ASCC3: variants seen among roughly 807,000 people sequenced by gnomAD.
ASCC3 encodes activating signal cointegrator 1 complex subunit 3.
Under a neutral mutation model 256.3 loss-of-function variants are expected in ASCC3, and 158 were observed. The observed-to-expected ratio is 0.62, with a 90% CI of 0.54 to 0.70. The LOEUF (loss-of-function observed/expected upper bound fraction) is 0.70, where lower values mean the gene tolerates loss of function less well. Among genes scored for constraint, ASCC3 ranks in the 30% least tolerant of loss-of-function variants. The pLI is 0.00. For synonymous variants in ASCC3, 948 were observed against 883.4 expected (o/e 1.07, Z -1.30); for missense variants, 2,259 against 2,626.0 (o/e 0.86, Z 3.05).
chr6:100,668,811 G>C (rs1262952772), intron 14 of ASCC3, among the ~76,000 whole-genome samples: 1 of 151,806 alleles, frequency 6.6e-6, no homozygotes, highest in Non-Finnish European at 1.5e-5. Flanking sequence ...TTATGATCAT[G>C]TGCAGACATT....
intron 4 of ASCC3, among the ~76,000 whole-genome samples, chr6:100,818,724 T>C (rs1770883954): frequency 7.9e-6 from 1 of 126,040 alleles, no homozygotes; most frequent in African/African-American, 3.1e-5. Context: ...CTGTAGGTTC[T>C]AGGCAGGGCA....
intron 13 of ASCC3, among the ~76,000 whole-genome samples, chr6:100,683,900 T>C (rs897917816): frequency 5.3e-5 from 8 of 152,160 alleles, no homozygotes; most frequent in African/African-American, 1.4e-4. Flanking sequence ...CAGAATGTGG[T>C]CATAAACTGC....
chr6:100,795,662 G>C (rs1469964902), intron 8 of ASCC3, among the ~76,000 whole-genome samples: 1 of 152,020 alleles, frequency 6.6e-6, no homozygotes, highest in African/African-American at 2.4e-5. Flanking sequence ...TGGTATTTTT[G>C]CATGTACTAG....
intron 22 of ASCC3, among the ~76,000 whole-genome samples, chr6:100,644,459 T>C (rs566095103): frequency 4.6e-5 from 7 of 152,160 alleles, no homozygotes; most frequent in Non-Finnish European, 1.0e-4. Context: ...GACTGGAGTT[T>C]TTAATTTACC....
At chr6:100,856,385 A>G (rs929685449) in intron 3 of ASCC3, 1 of 984,008 alleles carries the variant, frequency 1.0e-6, no homozygotes, top group Non-Finnish European at 1.2e-6. Context: ...TCTCACCATG[A>G]TAGCCAAACC....
chr6:100,604,251 T>G (rs558265380), intron 33 of ASCC3, among the ~76,000 whole-genome samples: 2 of 152,242 alleles, frequency 1.3e-5, no homozygotes, highest in East Asian at 3.9e-4. Flanking sequence ...CTGTGATATT[T>G]TTCCATTCCT....
At chr6:100,798,176 A>C (rs1221133623) in intron 8 of ASCC3, among the ~76,000 whole-genome samples, 3 of 152,142 alleles carry the variant, frequency 2.0e-5, no homozygotes, top group Non-Finnish European at 4.4e-5. Context: ...ACTTTAACCT[A>C]AACTAAGGAA....
chr6:100,771,153 CAAGGGCTGA>C, intron 8 of ASCC3, among the ~76,000 whole-genome samples: 1 of 152,012 alleles, frequency 6.6e-6, no homozygotes, highest in East Asian at 1.9e-4. Flanking sequence ...TGATTTTTGA[CAAGGGCTGA>C]AAGGCAATGT....
At chr6:100,685,075 G>C (rs558639405) in intron 13 of ASCC3, among the ~76,000 whole-genome samples, 63 of 152,200 alleles carry the variant, frequency 4.1e-4, no homozygotes, top group African/African-American at 1.2e-3. Context: ...CCAAAGTGCT[G>C]GGATTACAGG....
chr6:100,573,668 G>A (rs1363825367), intron 36 of ASCC3, among the ~76,000 whole-genome samples: 1 of 151,992 alleles, frequency 6.6e-6, no homozygotes, highest in Non-Finnish European at 1.5e-5. Context: ...ATGATTGCTT[G>A]TGTAATGACA....
At chr6:100,772,037 G>A (rs1044836271) in intron 8 of ASCC3, among the ~76,000 whole-genome samples, 9 of 151,748 alleles carry the variant, frequency 5.9e-5, no homozygotes, top group African/African-American at 2.2e-4. Flanking sequence ...CAGCCACCAG[G>A]CATGGCTAAT....
intron 10 of ASCC3, among the ~76,000 whole-genome samples, chr6:100,758,452 T>G (rs1465678151): frequency 6.6e-6 from 1 of 152,082 alleles, no homozygotes; most frequent in Non-Finnish European, 1.5e-5. Context: ...TGTGTTCTCA[T>G]TGTTCAATTC....
At chr6:100,690,321 T>A (rs1777784259) in intron 13 of ASCC3, among the ~76,000 whole-genome samples, 1 of 152,120 alleles carries the variant, frequency 6.6e-6, no homozygotes, top group South Asian at 2.1e-4. Flanking sequence ...TCAAATATTT[T>A]CCATGTGAAG....
chr6:100,717,486 T>C (rs958197012), intron 12 of ASCC3, among the ~76,000 whole-genome samples: 18 of 152,010 alleles, frequency 1.2e-4, no homozygotes, highest in Non-Finnish European at 2.5e-4. Context: ...AAAATAAGCC[T>C]ATCATAAGTA....
intron 37 of ASCC3, among the ~76,000 whole-genome samples, chr6:100,520,344 C>T (rs1006649879): frequency 6.6e-6 from 1 of 152,028 alleles, no homozygotes; most frequent in Non-Finnish European, 1.5e-5. Flanking sequence ...GCCACGTCCC[C>T]CTCTGTACAC....
intron 10 of ASCC3, among the ~76,000 whole-genome samples, chr6:100,754,447 CCCT>C (rs1219656305): frequency 6.6e-6 from 1 of 152,042 alleles, no homozygotes; most frequent in Non-Finnish European, 1.5e-5. Context: ...GTTATCCATC[CCCT>C]CAACTGTTTG....
At chr6:100,633,785 A>T (rs1365597582) in intron 25 of ASCC3, among the ~76,000 whole-genome samples, 5 of 151,980 alleles carry the variant, frequency 3.3e-5, no homozygotes, top group African/African-American at 4.8e-5. Flanking sequence ...GAGGCAGAAG[A>T]ATCGCTTGAA....
intron 7 of ASCC3, among the ~76,000 whole-genome samples, chr6:100,799,075 T>C (rs1161203515): frequency 6.6e-6 from 1 of 152,044 alleles, no homozygotes; most frequent in African/African-American, 2.4e-5. Context: ...CACAGTATGT[T>C]GACAAATCTT....
intron 39 of ASCC3, 146 bp from the exon 40 acceptor site, chr6:100,513,064 A>G: frequency 2.6e-6 from 2 of 763,568 alleles, no homozygotes; most frequent in Non-Finnish European, 4.2e-6. Flanking sequence ...GAAATAATAC[A>G]GAGACATTCT....
Sources: gnomAD v4.1 joint callset for allele counts (sites outside exome capture counted in the v4.1 genomes callset) on GRCh38, gnomAD v4.1.1 for gene constraint, MANE v1.5 for transcripts, NCBI Gene and HGNC (gene_info 2026-07-23, HGNC 2026-07-21) for gene names.